Variants in MNAT1 observed in about 807,000 individuals in gnomAD.
MNAT1 encodes the protein MNAT1 component of CDK activating kinase, also known as CDK-activating kinase assembly factor MAT1.
In MNAT1, 43 loss-of-function variants were observed where a neutral mutation model predicts 42.0. That is an observed-to-expected ratio of 1.02 (90% CI 0.80 to 1.32). The LOEUF (loss-of-function observed/expected upper bound fraction) is 1.32. Ranked by LOEUF, MNAT1 falls within the 40% of genes most tolerant of loss-of-function variation. The pLI, the probability that MNAT1 is intolerant of heterozygous loss-of-function variation, is 0.00. For synonymous variants in MNAT1, 118 were observed against 120.0 expected, an observed-to-expected ratio of 0.98 and a Z score of 0.11; for missense variants, 306 against 350.4, an observed-to-expected ratio of 0.87 and a Z score of 1.01.
chr14:60,847,179 C>T (rs975925432), intron 6 of MNAT1, among the ~76,000 whole-genome samples: 3 of 151,910 alleles, frequency 2.0e-5, no homozygotes, highest in Non-Finnish European at 4.4e-5. Context: ...CCGAGGCGGG[C>T]GGATCATGAG....
chr14:60,962,936 G>A (rs532846666), intron 7 of MNAT1, among the ~76,000 whole-genome samples: 15 of 152,112 alleles, frequency 9.9e-5, no homozygotes, highest in Non-Finnish European at 1.6e-4. Context: ...ACTGCCTGTG[G>A]AAGTTTGTTA....
At chr14:60,851,745 C>T (rs150391612) in intron 6 of MNAT1, among the ~76,000 whole-genome samples, 3 of 152,190 alleles carry the variant, frequency 2.0e-5, no homozygotes, top group Admixed American at 6.5e-5. Context: ...TGTTCCCCTC[C>T]CTGTGTCCAT....
At chr14:60,894,770 T>G (rs777557018) in intron 7 of MNAT1, among the ~76,000 whole-genome samples, 7 of 152,152 alleles carry the variant, frequency 4.6e-5, no homozygotes, top group Non-Finnish European at 8.8e-5. Context: ...TCCAAGATCC[T>G]AGAAGTAGAC....
chr14:60,930,894 T>G (rs1166305695), intron 7 of MNAT1, among the ~76,000 whole-genome samples: 3 of 152,144 alleles, frequency 2.0e-5, no homozygotes, highest in African/African-American at 7.2e-5. Flanking sequence ...TAAATCAAGG[T>G]TGAAAACCAC....
chr14:60,914,750 A>T (rs1339443592), intron 7 of MNAT1, among the ~76,000 whole-genome samples: 1 of 152,172 alleles, frequency 6.6e-6, no homozygotes, highest in South Asian at 2.1e-4. Context: ...GGGAGATTTA[A>T]AAAAGATATC....
intron 3 of MNAT1, chr14:60,799,278 A>G: frequency 1.0e-6 from 1 of 985,364 alleles, no homozygotes; most frequent in Non-Finnish European, 1.2e-6. Flanking sequence ...GTGACTATGG[A>G]TTTTAGCTGA....
chr14:60,855,550 G>A (rs1479161784), intron 6 of MNAT1, among the ~76,000 whole-genome samples: 1 of 152,144 alleles, frequency 6.6e-6, no homozygotes, highest in Non-Finnish European at 1.5e-5. Flanking sequence ...CCTTGGCTGC[G>A]GGAGGGAGGT....
intron 7 of MNAT1, among the ~76,000 whole-genome samples, chr14:60,908,411 G>A (rs1014315401): frequency 1.3e-5 from 2 of 151,978 alleles, no homozygotes; most frequent in African/African-American, 4.8e-5. Context: ...ATGTTGGTGT[G>A]CTGCACCCAT....
chr14:60,765,256 C>G (rs1341118647), intron 1 of MNAT1, among the ~76,000 whole-genome samples: 2 of 152,168 alleles, frequency 1.3e-5, no homozygotes, highest in East Asian at 3.9e-4. Context: ...TGCCACTGCA[C>G]TCCAGCTTGG....
intron 7 of MNAT1, among the ~76,000 whole-genome samples, chr14:60,943,229 C>T (rs1416444749): frequency 2.0e-5 from 3 of 151,966 alleles, no homozygotes; most frequent in African/African-American, 7.3e-5. Flanking sequence ...TCAGATTTAA[C>T]TTCTATAGAT....
rs993108504 is a variant in MNAT1 at position 60,764,476 on chromosome 14, G to GC, written c.89+29525_89+29526insC. Among the ~76,000 whole-genome samples the GC allele has an allele frequency of 2.1e-3, 6 of 2,798 alleles. No individual in the cohort carries two copies. In the Admixed American group the frequency reaches 0.027, roughly 12 times the overall value. 1.8% of individuals were successfully genotyped at this position (2,798 alleles called of 152,430 possible). A position where few individuals can be genotyped will look rare whatever the true frequency, so the allele number is the denominator to read the frequency against. ...ACAGCCAGAAGTTAATGGGCTATTT[G>GC]GGTTGGAACCCATACTTTTGGTCCC... is the stretch of plus-strand genomic sequence containing the variant. On this transcript the variant is annotated intron_variant, in intron 1 of 7. Transcript: ENST00000261245.
At chr14:60,780,455 G>T (rs892984627) in intron 1 of MNAT1, 1 of 1,540,516 alleles carries the variant, frequency 6.5e-7, no homozygotes, top group Non-Finnish European at 9.0e-7. Flanking sequence ...CACAGACAAA[G>T]ATTTGGTTGT....
chr14:60,896,187 G>A (rs1333764603), intron 7 of MNAT1, among the ~76,000 whole-genome samples: 2 of 152,140 alleles, frequency 1.3e-5, no homozygotes, highest in Non-Finnish European at 1.5e-5. Context: ...TGTACTGGCA[G>A]TACTCTTCTG....
intron 6 of MNAT1, among the ~76,000 whole-genome samples, chr14:60,840,635 A>G (rs1013212602): frequency 5.3e-5 from 8 of 150,624 alleles, no homozygotes; most frequent in East Asian, 3.8e-4. Context: ...GTCAAAGAAC[A>G]TATGTTAAAG....
chr14:60,880,020 C>G (rs963321131), intron 7 of MNAT1, 185 bp downstream of exon 7: 4 of 439,828 alleles, frequency 9.1e-6, no homozygotes, highest in Non-Finnish European at 7.6e-6. Flanking sequence ...CTTGTTAGGT[C>G]TCTTGAGATT....
chr14:60,937,350 A>G (rs1450102689), intron 7 of MNAT1, among the ~76,000 whole-genome samples: 5 of 152,140 alleles, frequency 3.3e-5, no homozygotes, highest in African/African-American at 1.2e-4. Flanking sequence ...TATGGTTTTT[A>G]TGGTTTTAGG....
intron 1 of MNAT1, among the ~76,000 whole-genome samples, chr14:60,776,575 G>T (rs1298928200): frequency 7.9e-5 from 12 of 152,104 alleles, no homozygotes; most frequent in Non-Finnish European, 1.3e-4. Flanking sequence ...TGTCCTGGGG[G>T]GGGAGGAGCA....
chr14:60,780,653 AG>A, intron 1 of MNAT1: 1 of 1,006,326 alleles, frequency 9.9e-7, no homozygotes, highest in Non-Finnish European at 1.5e-6. Context: ...CCTGAAATCA[AG>A]TCATCTATAG....
Position 60,807,896 on chromosome 14 carries a change from T to C in MNAT1, c.317-429T>C, listed in dbSNP as rs4151219. ...AGACAATTGGAATGGGGATAAAACCTGTTTTTTGTTTGATATAAATTATAA... is the reference window on the plus strand; with the variant it reads ...AGACAATTGGAATGGGGATAAAACCCGTTTTTTGTTTGATATAAATTATAA... On this transcript the variant is annotated intron_variant, in intron 3 of 7. Coordinates refer to ENST00000261245, the MANE Select transcript of MNAT1 (RefSeq NM_002431.4). 5.1e-3 allele frequency among the ~76,000 whole-genome samples: 780 copies of C among 152,248 alleles called. 14 individuals are homozygous for C. The highest frequency in any genetic ancestry group is 0.018 in the African/African-American group (732 of 41,568).
Sources: gnomAD v4.1 joint callset for allele counts (sites outside exome capture counted in the v4.1 genomes callset) on GRCh38, gnomAD v4.1.1 for gene constraint, MANE v1.5 for transcripts, NCBI Gene and HGNC (gene_info 2026-07-23, HGNC 2026-07-21) for gene names.